BARX2: variants seen among roughly 807,000 people sequenced by gnomAD.
The protein encoded by BARX2 is homeobox protein BarH-like 2.
Under a neutral mutation model 25.5 loss-of-function variants are expected in BARX2, and 11 were observed. The observed-to-expected ratio is 0.43, with a 90% CI of 0.27 to 0.71. The LOEUF (loss-of-function observed/expected upper bound fraction) is 0.71. BARX2 is among the 30% of genes least tolerant of loss of function. The probability of loss-of-function intolerance (pLI) is 0.19; values close to 1 mark genes in which losing one functional copy is unlikely to be tolerated. For synonymous variants in BARX2, 137 were observed against 149.5 expected (o/e 0.92, Z 0.61); for missense variants, 360 against 359.9 (o/e 1.00, Z 0.00).
At chr11:129,387,915 G>A (rs1386857662) in intron 1 of BARX2, among the ~76,000 whole-genome samples, 2 of 152,168 alleles carry the variant, frequency 1.3e-5, no homozygotes, top group Non-Finnish European at 2.9e-5. Context: ...CTGCTTTTCA[G>A]GCAGGGAAAG....
In BARX2 at chr11:129,402,092, T is replaced by G. The variant is rs1861782429; in HGVS notation, c.187+25870T>G. 4.0e-5 allele frequency among the ~76,000 whole-genome samples: 6 copies of G among 150,288 alleles called. No individual in the cohort carries two copies. In the Admixed American group the frequency reaches 4.0e-4, roughly 10 times the overall value. ...TTACATAGAAGTGTATGAACAAATATAAATCATCGTAGTGTATGGGATGAG... is the reference window on the plus strand; with the variant it reads ...TTACATAGAAGTGTATGAACAAATAGAAATCATCGTAGTGTATGGGATGAG... On this transcript the variant is annotated intron_variant, in intron 1 of 3. Transcript: ENST00000281437.
intron 1 of BARX2, among the ~76,000 whole-genome samples, chr11:129,399,325 G>A (rs75543749): frequency 0.035 from 5,351 of 152,236 alleles, 308 homozygotes; most frequent in African/African-American, 0.12. Flanking sequence ...TTTGACTTTA[G>A]GTTGGCTGCT....
At chr11:129,404,129 A>C (rs916713016) in intron 1 of BARX2, among the ~76,000 whole-genome samples, 1 of 152,172 alleles carries the variant, frequency 6.6e-6, no homozygotes, top group Non-Finnish European at 1.5e-5. Context: ...CCATACCTAC[A>C]CACATTGCTG....
intron 3 of BARX2, among the ~76,000 whole-genome samples, chr11:129,449,657 C>T (rs1327177954): frequency 1.3e-5 from 2 of 152,156 alleles, no homozygotes; most frequent in East Asian, 3.9e-4. Context: ...GGTGCCAGGC[C>T]TTTGAAGTCA....
chr11:129,437,115 T>A, intron 2 of BARX2, 64 bp downstream of exon 2: 1 of 1,448,846 alleles, frequency 6.9e-7, no homozygotes, highest in Non-Finnish European at 9.2e-7. Flanking sequence ...CTTGCTCCCA[T>A]TGTGGGCCGT....
At chr11:129,381,729 C>T (rs977864547) in intron 1 of BARX2, among the ~76,000 whole-genome samples, 1 of 151,886 alleles carries the variant, frequency 6.6e-6, no homozygotes, top group African/African-American at 2.4e-5. Flanking sequence ...GTAACATATC[C>T]CAAAAATCTA....
chr11:129,399,299 A>C lies in BARX2; in HGVS notation c.187+23077A>C, dbSNP rs116759708. ...AAAGTGGGATGACAAGTCGTCTGGA[A>C]TGTCAACAGAGCAAGTTTGACTTTA... On this transcript the variant is annotated intron_variant, in intron 1 of 3. Transcript: ENST00000281437. Among the ~76,000 whole-genome samples, 498 of 152,296 alleles carry C rather than the reference A, an allele frequency of 3.3e-3. 3 individuals are homozygous for C. The highest frequency in any genetic ancestry group is 0.011 in the African/African-American group (476 of 41,568).
intron 1 of BARX2, among the ~76,000 whole-genome samples, chr11:129,391,233 A>G (rs1369785091): frequency 6.6e-6 from 1 of 152,216 alleles, no homozygotes; most frequent in Non-Finnish European, 1.5e-5. Flanking sequence ...TGGTTTTCAC[A>G]TTCGTAAACC....
At chr11:129,428,947 A>C (rs1018832840) in intron 1 of BARX2, among the ~76,000 whole-genome samples, 27 of 152,144 alleles carry the variant, frequency 1.8e-4, no homozygotes, top group African/African-American at 6.5e-4. Flanking sequence ...AGATTGCTGA[A>C]ACAATGGACT....
In BARX2 at chr11:129,451,506, G is replaced by A; in HGVS notation, c.*104G>A. Reference sequence around the variant, plus strand: ...CTTCCAGCAGCCCAGTAAACTGCGGGCGAAGAGATCTACCCGTCTCCCTCC... The same window carrying A: ...CTTCCAGCAGCCCAGTAAACTGCGGACGAAGAGATCTACCCGTCTCCCTCC... On this transcript the variant is annotated 3_prime_UTR_variant, in exon 4 of 4. Transcript: ENST00000281437. 1.5e-6 allele frequency: 2 copies of A among 1,334,992 alleles called. No homozygotes were observed. The highest frequency in any genetic ancestry group is 2.0e-6 in the Non-Finnish European group (2 of 983,076). The allele number at this position is 1,334,992 out of a possible 1,614,324, so 82.7% of individuals were successfully genotyped here. A position where few individuals can be genotyped will look rare whatever the true frequency, so the allele number is the denominator to read the frequency against.
chr11:129,407,509 A>G (rs1017473411), intron 1 of BARX2, among the ~76,000 whole-genome samples: 1 of 152,160 alleles, frequency 6.6e-6, no homozygotes, highest in African/African-American at 2.4e-5. Flanking sequence ...TATGCTTTGC[A>G]CTTCTGTTGA....
At chr11:129,422,629 C>G (rs951861830) in intron 1 of BARX2, among the ~76,000 whole-genome samples, 2 of 151,648 alleles carry the variant, frequency 1.3e-5, no homozygotes, top group Non-Finnish European at 2.9e-5. Flanking sequence ...ATTGTTTTAT[C>G]CCCAGTTAGT....
At chr11:129,382,144 C>T (rs1366329828) in intron 1 of BARX2, among the ~76,000 whole-genome samples, 2 of 152,218 alleles carry the variant, frequency 1.3e-5, no homozygotes, top group African/African-American at 4.8e-5. Flanking sequence ...AAGGTAGGTA[C>T]GTCACATGGG....
intron 1 of BARX2, among the ~76,000 whole-genome samples, chr11:129,426,262 C>T (rs890619714): frequency 6.6e-6 from 1 of 152,070 alleles, no homozygotes; most frequent in Admixed American, 6.6e-5. Flanking sequence ...TATGGGGACA[C>T]GGTCATGGAA....
At chr11:129,442,999 C>A in intron 3 of BARX2, 80 bp downstream of exon 3, 1 of 1,327,338 alleles carries the variant, frequency 7.5e-7, no homozygotes, top group Non-Finnish European at 1.1e-6. Flanking sequence ...GGAGGCCGGA[C>A]CATTTGGCAG....
intron 3 of BARX2, among the ~76,000 whole-genome samples, chr11:129,447,334 G>A (rs543327808): frequency 2.6e-5 from 4 of 152,242 alleles, no homozygotes; most frequent in East Asian, 1.9e-4. Flanking sequence ...CACCAGGCAC[G>A]GCTAATAAAA....
At chr11:129,431,319 T>G (rs761069959) in intron 1 of BARX2, among the ~76,000 whole-genome samples, 1 of 152,134 alleles carries the variant, frequency 6.6e-6, no homozygotes, top group Non-Finnish European at 1.5e-5. Flanking sequence ...ATCTGGGGGG[T>G]TTTGCTAGGT....
At position 129,451,751 on chromosome 11, in the gene BARX2, T is replaced by G; in HGVS notation, c.*349T>G. The G allele has an allele frequency of 4.7e-6, 1 of 214,850 alleles. No homozygotes were observed. The highest frequency in any genetic ancestry group is 9.3e-6 in the Non-Finnish European group (1 of 107,622). 13.3% of individuals were successfully genotyped at this position (214,850 alleles called of 1,614,324 possible). On this transcript the variant is annotated 3_prime_UTR_variant, in exon 4 of 4. Coordinates refer to ENST00000281437, the MANE Select transcript of BARX2 (RefSeq NM_003658.5). ...ATGCAGTGGAAAGTGCTTAGCTCTC[T>G]CCCTCCTGACCTCTGGGCAGCCAGT...
At chr11:129,441,046 A>T (rs956372800) in intron 2 of BARX2, among the ~76,000 whole-genome samples, 2 of 152,212 alleles carry the variant, frequency 1.3e-5, no homozygotes, top group Non-Finnish European at 2.9e-5. Flanking sequence ...GTGGCTCTCC[A>T]GTTGGTGCTG....
Sources: allele counts gnomAD v4.1 joint callset (sites outside exome capture counted in the v4.1 genomes callset), GRCh38; gene constraint gnomAD v4.1.1; transcripts MANE v1.5; gene names NCBI Gene and HGNC (gene_info 2026-07-23, HGNC 2026-07-21).